PTPRT: variants seen among roughly 807,000 people sequenced by gnomAD.
PTPRT encodes protein tyrosine phosphatase receptor type T.
PTPRT carries 56 observed loss-of-function variants against 176.8 expected under a neutral mutation model. The ratio of observed to expected loss-of-function variants is 0.32; its 90% CI spans 0.26 to 0.40. The LOEUF (loss-of-function observed/expected upper bound fraction) is 0.40, where lower values mean the gene tolerates loss of function less well. Among genes scored for constraint, PTPRT ranks in the 10% least tolerant of loss-of-function variants. The probability of loss-of-function intolerance (pLI) is 1.00; values close to 1 mark genes in which losing one functional copy is unlikely to be tolerated. For missense variants in PTPRT, 1,540 were observed against 1,908.2 expected (o/e 0.81, Z 3.60); for synonymous variants, 783 against 739.0 (o/e 1.06, Z -0.96).
intron 1 of PTPRT, among the ~76,000 whole-genome samples, chr20:43,051,253 T>C (rs1026402044): frequency 1.3e-5 from 2 of 152,208 alleles, no homozygotes; most frequent in Non-Finnish European, 2.9e-5. Context: ...TAACTCCAGT[T>C]TGAATTGGGT....
chr20:42,902,808 C>T (rs1222936779), intron 1 of PTPRT, among the ~76,000 whole-genome samples: 1 of 152,208 alleles, frequency 6.6e-6, no homozygotes, highest in Non-Finnish European at 1.5e-5. Context: ...ACCTGCTCAA[C>T]TTTATGATAA....
chr20:42,223,067 T>C (rs1421099374), intron 15 of PTPRT, among the ~76,000 whole-genome samples: 1 of 152,208 alleles, frequency 6.6e-6, no homozygotes, highest in Non-Finnish European at 1.5e-5. Flanking sequence ...TTCTCTTCCA[T>C]GTTGATGACT....
chr20:42,371,568 T>G (rs1020108232), intron 9 of PTPRT, among the ~76,000 whole-genome samples: 2 of 152,232 alleles, frequency 1.3e-5, no homozygotes, highest in Non-Finnish European at 2.9e-5. Flanking sequence ...CTCTGGTGAT[T>G]GTAGTATCCT....
intron 7 of PTPRT, among the ~76,000 whole-genome samples, chr20:42,524,944 TC>T (rs2072242416): frequency 6.6e-6 from 1 of 152,194 alleles, no homozygotes. Context: ...TATATTTGAT[TC>T]TTTTAAAAAT....
chr20:42,778,623 C>T (rs2077171037), intron 4 of PTPRT, among the ~76,000 whole-genome samples: 1 of 152,132 alleles, frequency 6.6e-6, no homozygotes, highest in South Asian at 2.1e-4. Context: ...CAAGATTGAG[C>T]GCATGCAATT....
chr20:42,313,132 C>T (rs1218811191), intron 12 of PTPRT, among the ~76,000 whole-genome samples: 2 of 152,120 alleles, frequency 1.3e-5, no homozygotes, highest in African/African-American at 2.4e-5. Context: ...GACCTCACTG[C>T]TACACTCCCA....
chr20:42,401,530 CACAT>C (rs1293030989), intron 9 of PTPRT, among the ~76,000 whole-genome samples: 1 of 152,092 alleles, frequency 6.6e-6, no homozygotes, highest in Non-Finnish European at 1.5e-5. Flanking sequence ...AGGAAACACA[CACAT>C]ACACACACAC....
chr20:42,667,890 T>A (rs563437326), intron 7 of PTPRT, among the ~76,000 whole-genome samples: 4 of 152,140 alleles, frequency 2.6e-5, no homozygotes, highest in Admixed American at 6.5e-5. Flanking sequence ...AAGTGCAGGG[T>A]CTATGTGACT....
chr20:42,340,405 A>G (rs2058095676), intron 11 of PTPRT, among the ~76,000 whole-genome samples: 1 of 152,240 alleles, frequency 6.6e-6, no homozygotes, highest in Non-Finnish European at 1.5e-5. Flanking sequence ...TAGCCAGGTA[A>G]GAAAAGGGTG....
At chr20:42,344,457 T>G (rs560360723) in intron 11 of PTPRT, among the ~76,000 whole-genome samples, 6 of 152,188 alleles carry the variant, frequency 3.9e-5, no homozygotes, top group African/African-American at 1.4e-4. Context: ...TAGGTCTGAG[T>G]GAGGAGCTCC....
At position 43,091,333 on chromosome 20, in the gene PTPRT, G is replaced by A. The variant is rs73618870; in HGVS notation, c.88+98313C>T. Among the ~76,000 whole-genome samples, 384 of 152,234 alleles carry A rather than the reference G, an allele frequency of 2.5e-3. 5 individuals are homozygous for A. The East Asian group carries it at 0.032, about 13-fold the overall frequency. On this transcript the variant is annotated intron_variant, in intron 1 of 30. Transcript: ENST00000373187. ...AAGGAATGGGGATTTTAAGTACTGA[G>A]CTAATTAGCAATACTGAATGTTAGA...
At chr20:43,079,956 C>T (rs1026415817) in intron 1 of PTPRT, among the ~76,000 whole-genome samples, 3 of 152,168 alleles carry the variant, frequency 2.0e-5, no homozygotes, top group Non-Finnish European at 2.9e-5. Context: ...AATTTATTAA[C>T]TAACCATAAT....
At chr20:42,193,072 C>T (rs1203756324) in intron 16 of PTPRT, among the ~76,000 whole-genome samples, 1 of 152,222 alleles carries the variant, frequency 6.6e-6, no homozygotes, top group African/African-American at 2.4e-5. Context: ...GACAAAGTTG[C>T]TTGGTTTTGA....
At chr20:42,121,080 G>A (rs971473625) in intron 19 of PTPRT, among the ~76,000 whole-genome samples, 7 of 152,222 alleles carry the variant, frequency 4.6e-5, no homozygotes, top group Non-Finnish European at 1.0e-4. Flanking sequence ...AAATAGAACT[G>A]CCATCTGTAT....
At chr20:42,805,408 G>A (rs1294145218) in intron 2 of PTPRT, among the ~76,000 whole-genome samples, 2 of 152,324 alleles carry the variant, frequency 1.3e-5, no homozygotes, top group South Asian at 2.1e-4. Context: ...TGGGAAAGGA[G>A]CAAGCACCCC....
At chr20:42,603,692 G>A (rs1258253027) in intron 7 of PTPRT, among the ~76,000 whole-genome samples, 1 of 152,226 alleles carries the variant, frequency 6.6e-6, no homozygotes, top group Non-Finnish European at 1.5e-5. Context: ...GATAAAAGGA[G>A]TGGAATACAT....
chr20:42,695,035 G>A (rs1215927135), intron 6 of PTPRT, among the ~76,000 whole-genome samples: 3 of 152,096 alleles, frequency 2.0e-5, no homozygotes, highest in Non-Finnish European at 4.4e-5. Context: ...AGGCCGAGGC[G>A]GGAGGGTGAA....
At chr20:42,157,633 A>G (rs1049960351) in intron 17 of PTPRT, among the ~76,000 whole-genome samples, 9 of 150,202 alleles carry the variant, frequency 6.0e-5, no homozygotes, top group African/African-American at 2.2e-4. Context: ...TTCCCCCCCC[A>G]ATATTTCTTG....
At chr20:42,714,432 CA>C (rs1371824214) in intron 6 of PTPRT, among the ~76,000 whole-genome samples, 4 of 152,060 alleles carry the variant, frequency 2.6e-5, no homozygotes, top group Non-Finnish European at 5.9e-5. Flanking sequence ...TATTAGAAGC[CA>C]GAAATACAAC....
Sources: allele counts gnomAD v4.1 joint callset (sites outside exome capture counted in the v4.1 genomes callset), GRCh38; gene constraint gnomAD v4.1.1; transcripts MANE v1.5; gene names NCBI Gene and HGNC (gene_info 2026-07-23, HGNC 2026-07-21).